Variants in COL26A1 observed in about 807,000 individuals in gnomAD.
The protein encoded by COL26A1 is collagen alpha-1(XXVI) chain.
COL26A1 carries 41 observed loss-of-function variants against 59.3 expected under a neutral mutation model. That is an observed-to-expected ratio of 0.69 (90% CI 0.54 to 0.90). The LOEUF (loss-of-function observed/expected upper bound fraction) is 0.90, where lower values mean the gene tolerates loss of function less well. Among genes scored for constraint, COL26A1 ranks in the 40% least tolerant of loss-of-function variants. The pLI is 0.00. For synonymous variants in COL26A1, 266 were observed against 256.0 expected (o/e 1.04, Z -0.37); for missense variants, 612 against 602.3 (o/e 1.02, Z -0.17).
In COL26A1 at chr7:101,363,179, C is replaced by T. The variant is rs1584338999; in HGVS notation, c.147C>T (p.Tyr49=). ...EPGAGSPGSG[Y]ASRRHWCHHT... ...GCGCCGGCTCCCCTGGCAGCGGCTACGCGAGCCGCCGGTGAGTAGCTCGGG... is the reference window on the plus strand; with the variant it reads ...GCGCCGGCTCCCCTGGCAGCGGCTATGCGAGCCGCCGGTGAGTAGCTCGGG... Residue 49 remains tyrosine (Y), a synonymous_variant, in exon 1 of 13, where the codon TAC becomes TAT. Transcript: ENST00000313669. 4.0e-6 allele frequency: 6 copies of T among 1,486,574 alleles called. No homozygotes were observed. The East Asian group carries it at 8.5e-5, about 21-fold the overall frequency. 92.1% of individuals were successfully genotyped at this position (1,486,574 alleles called of 1,614,324 possible). A position where few individuals can be genotyped will look rare whatever the true frequency, so the allele number is the denominator to read the frequency against.
rs867932995 is a variant in COL26A1 at position 101,431,966 on chromosome 7, A to T, written c.281+11867A>T. ...ACCACCATGCTTGGCTAATTTTATA[A>T]TTTTTTTTTTTTTTTTTGGAGACGA... is the stretch of plus-strand genomic sequence containing the variant. On this transcript the variant is annotated intron_variant, in intron 2 of 12. Transcript: ENST00000313669. Among the ~76,000 whole-genome samples, 5 of 133,604 alleles carry T rather than the reference A, an allele frequency of 3.7e-5. No homozygotes were observed. The South Asian group carries it at 9.7e-4, about 26-fold the overall frequency. 87.6% of individuals were successfully genotyped at this position (133,604 alleles called of 152,430 possible). A position where few individuals can be genotyped will look rare whatever the true frequency, so the allele number is the denominator to read the frequency against.
At chr7:101,416,537 A>G (rs1324348753) in intron 1 of COL26A1, among the ~76,000 whole-genome samples, 1 of 143,138 alleles carries the variant, frequency 7.0e-6, no homozygotes, top group East Asian at 1.9e-4. Context: ...AGCTACTACT[A>G]TATAGATGTT....
chr7:101,491,020 C>G (rs1049573531), intron 3 of COL26A1, among the ~76,000 whole-genome samples: 4 of 148,942 alleles, frequency 2.7e-5, no homozygotes, highest in Admixed American at 2.7e-4. Flanking sequence ...CATAGTGGCA[C>G]ATGCCTGTAT....
chr7:101,424,524 G>C (rs1423440372), intron 2 of COL26A1, among the ~76,000 whole-genome samples: 1 of 152,158 alleles, frequency 6.6e-6, no homozygotes, highest in Non-Finnish European at 1.5e-5. Context: ...CTTGAACCTG[G>C]GAAGCGGAGG....
chr7:101,451,807 C>T (rs1012137659), intron 3 of COL26A1, among the ~76,000 whole-genome samples: 3 of 151,132 alleles, frequency 2.0e-5, no homozygotes, highest in Non-Finnish European at 4.4e-5. Flanking sequence ...TGGGTTCAAG[C>T]GATTGTCCCA....
At position 101,489,660 on chromosome 7, in the gene COL26A1, T is replaced by TTC. The variant is rs1794352078; in HGVS notation, c.385+41873_385+41874insTC. Among the ~76,000 whole-genome samples the TTC allele has an allele frequency of 2.7e-4, 13 of 48,650 alleles. 1 individual carries two copies. The highest frequency in any genetic ancestry group is 5.3e-4 in the Admixed American group (3 of 5,674). 31.9% of individuals were successfully genotyped at this position (48,650 alleles called of 152,430 possible). On this transcript the variant is annotated intron_variant, in intron 3 of 12. Transcript: ENST00000313669. ...TTCTTTCTTTCTTTCTTTCTTTCTT[T>TTC]CTTCCTTCCTTCCTTCCTTCCTTTC...
chr7:101,446,586 C>A (rs1793200140), intron 2 of COL26A1, among the ~76,000 whole-genome samples: 1 of 152,130 alleles, frequency 6.6e-6, no homozygotes, highest in South Asian at 2.1e-4. Flanking sequence ...ATGGCTTGCT[C>A]CTGTAATCGC....
intron 1 of COL26A1, among the ~76,000 whole-genome samples, chr7:101,387,681 AG>A (rs1322718306): frequency 5.8e-5 from 8 of 138,340 alleles, no homozygotes; most frequent in East Asian, 4.1e-4. Context: ...ATATATATAA[AG>A]AGAGAGATTT....
intron 10 of COL26A1, 37 bp from the exon 11 acceptor site, chr7:101,553,289 T>A (rs757015061): frequency 6.2e-7 from 1 of 1,602,572 alleles, no homozygotes; most frequent in South Asian, 1.1e-5. Context: ...TGCCCCCACC[T>A]CCCGTTCCAG....
intron 2 of COL26A1, among the ~76,000 whole-genome samples, chr7:101,442,894 C>T (rs535627287): frequency 1.3e-5 from 2 of 151,998 alleles, no homozygotes; most frequent in African/African-American, 4.8e-5. Context: ...AGTGTGCAAG[C>T]ACGAGTGTGC....
At chr7:101,501,075 A>G (rs374803956) in intron 3 of COL26A1, among the ~76,000 whole-genome samples, 10 of 151,524 alleles carry the variant, frequency 6.6e-5, no homozygotes, top group African/African-American at 2.4e-4. Context: ...AATCCCAGCT[A>G]CTAGGGAGGC....
intron 1 of COL26A1, among the ~76,000 whole-genome samples, chr7:101,372,116 C>G (rs927511409): frequency 2.6e-5 from 4 of 152,130 alleles, no homozygotes; most frequent in African/African-American, 4.8e-5. Context: ...GCAAAGGTTG[C>G]AAGGACGGGG....
chr7:101,450,594 A>C (rs74300414), intron 3 of COL26A1, among the ~76,000 whole-genome samples: 8,984 of 151,732 alleles, frequency 0.059, 326 homozygotes, highest in East Asian at 0.14. Flanking sequence ...GACCTCCTTT[A>C]GGGTAAGATT....
At chr7:101,418,247 A>G (rs1017899839) in intron 1 of COL26A1, among the ~76,000 whole-genome samples, 1 of 151,950 alleles carries the variant, frequency 6.6e-6, no homozygotes, top group Non-Finnish European at 1.5e-5. Context: ...TCCCCTAACC[A>G]ATCTCTCTGA....
At chr7:101,465,691 C>CAAAAAAAAAAAAAAAAAAAAA (rs539721605) in intron 3 of COL26A1, among the ~76,000 whole-genome samples, 2 of 102,662 alleles carry the variant, frequency 1.9e-5, no homozygotes, top group African/African-American at 3.6e-5. Flanking sequence ...GAAACTGTCT[C>CAAAAAAAAAAAAAAAAAAAAA]AAAAAAAAAA....
chr7:101,466,837 T>TGTGAGA (rs764059657), intron 3 of COL26A1, among the ~76,000 whole-genome samples: 2,047 of 122,598 alleles, frequency 0.017, 20 homozygotes, highest in Non-Finnish European at 0.022. Flanking sequence ...TGTGTGTGTG[T>TGTGAGA]GAGAGAGAGA....
At chr7:101,378,098 G>A (rs1245231680) in intron 1 of COL26A1, among the ~76,000 whole-genome samples, 2 of 152,002 alleles carry the variant, frequency 1.3e-5, no homozygotes, top group South Asian at 4.2e-4. Context: ...TTTTTTGGGG[G>A]GCTGGGCCTG....
chr7:101,401,753 GGAAGAGGAGGAGGGA>G, intron 1 of COL26A1, among the ~76,000 whole-genome samples: 1 of 137,342 alleles, frequency 7.3e-6, no homozygotes, highest in Admixed American at 7.1e-5. Flanking sequence ...AGGAAGAGGA[GGAAGAGGAGGAGGGA>G]GAAGAGGAGG....
chr7:101,487,907 G>T (rs1794302440), intron 3 of COL26A1, among the ~76,000 whole-genome samples: 1 of 152,194 alleles, frequency 6.6e-6, no homozygotes, highest in Non-Finnish European at 1.5e-5. Flanking sequence ...TTGTTATAGA[G>T]ATGGGGTCTC....
Sources: allele counts gnomAD v4.1 joint callset (sites outside exome capture counted in the v4.1 genomes callset), GRCh38; gene constraint gnomAD v4.1.1; transcripts MANE v1.5; gene names NCBI Gene and HGNC (gene_info 2026-07-23, HGNC 2026-07-21).